ADGRL2: variants seen among roughly 807,000 people sequenced by gnomAD.
ADGRL2 encodes the protein adhesion G protein-coupled receptor L2, also known as calcium-independent alpha-latrotoxin receptor 2.
Under a neutral mutation model 157.4 loss-of-function variants are expected in ADGRL2, and 44 were observed. That is an observed-to-expected ratio of 0.28 (90% confidence interval 0.22 to 0.36). The LOEUF (loss-of-function observed/expected upper bound fraction) is 0.36. ADGRL2 is among the 10% of genes least tolerant of loss of function. ADGRL2 has a pLI of 1.00. For synonymous variants in ADGRL2, 585 were observed against 624.7 expected (o/e 0.94, Z 0.95); for missense variants, 1,510 against 1,768.9 (o/e 0.85, Z 2.63).
At chr1:81,872,205 CT>C (rs981720627) in intron 2 of ADGRL2, among the ~76,000 whole-genome samples, 55 of 152,234 alleles carry the variant, frequency 3.6e-4, no homozygotes, top group African/African-American at 1.2e-3. Flanking sequence ...TTCTCCATTT[CT>C]TGTTTTTGTC....
intron 2 of ADGRL2, among the ~76,000 whole-genome samples, chr1:81,571,446 C>A (rs1473172647): frequency 2.1e-5 from 3 of 146,186 alleles, no homozygotes; most frequent in Non-Finnish European, 4.5e-5. Context: ...TATATATATA[C>A]ACACACATAT....
At chr1:81,779,744 A>T (rs1032510277) in intron 2 of ADGRL2, among the ~76,000 whole-genome samples, 1 of 152,194 alleles carries the variant, frequency 6.6e-6, no homozygotes, top group African/African-American at 2.4e-5. Context: ...ACACAGCTTA[A>T]ATCAAACTCT....
intron 1 of ADGRL2, among the ~76,000 whole-genome samples, chr1:81,339,044 C>G (rs1661862967): frequency 6.6e-6 from 1 of 152,220 alleles, no homozygotes; most frequent in Admixed American, 6.5e-5. Context: ...TTTACTCTCT[C>G]TCTTGAATGT....
chr1:81,424,055 A>T (rs2077170805), intron 1 of ADGRL2, among the ~76,000 whole-genome samples: 1 of 152,216 alleles, frequency 6.6e-6, no homozygotes, highest in South Asian at 2.1e-4. Context: ...TCATTTCATA[A>T]GGACACTTCA....
At chr1:81,729,144 A>G (rs2084638922) in intron 1 of ADGRL2, among the ~76,000 whole-genome samples, 1 of 150,728 alleles carries the variant, frequency 6.6e-6, no homozygotes, top group South Asian at 2.1e-4. Context: ...ACTTGAGTAT[A>G]CAATTTAAAT....
chr1:81,782,919 G>A (rs1278316479), intron 2 of ADGRL2, among the ~76,000 whole-genome samples: 3 of 152,166 alleles, frequency 2.0e-5, no homozygotes, highest in Non-Finnish European at 2.9e-5. Context: ...ATCAGAGTAG[G>A]GAAGGGATGG....
intron 1 of ADGRL2, among the ~76,000 whole-genome samples, chr1:81,425,019 C>A (rs1360128569): frequency 1.3e-5 from 2 of 152,204 alleles, no homozygotes; most frequent in Admixed American, 6.5e-5. Flanking sequence ...AAGTCTAATA[C>A]TCTGTTTCTG....
At chr1:81,361,344 T>G (rs903379514) in intron 1 of ADGRL2, among the ~76,000 whole-genome samples, 6 of 152,048 alleles carry the variant, frequency 3.9e-5, no homozygotes, top group African/African-American at 1.2e-4. Flanking sequence ...CAAACTTATC[T>G]TGATTGGGGT....
At chr1:81,571,536 A>G (rs2080693237) in intron 2 of ADGRL2, among the ~76,000 whole-genome samples, 1 of 151,394 alleles carries the variant, frequency 6.6e-6, no homozygotes, top group Non-Finnish European at 1.5e-5. Context: ...AAATGACTTT[A>G]AATTTTATGT....
chr1:81,362,877 T>G (rs949585040), intron 1 of ADGRL2, among the ~76,000 whole-genome samples: 2 of 152,056 alleles, frequency 1.3e-5, no homozygotes, highest in Non-Finnish European at 2.9e-5. Flanking sequence ...ATCTTAAACA[T>G]GCAGGTTGTT....
At chr1:81,573,119 T>G (rs2080728718) in intron 2 of ADGRL2, among the ~76,000 whole-genome samples, 1 of 152,088 alleles carries the variant, frequency 6.6e-6, no homozygotes, top group Non-Finnish European at 1.5e-5. Flanking sequence ...TTAATATCTT[T>G]CAAATTCAGA....
intron 1 of ADGRL2, among the ~76,000 whole-genome samples, chr1:81,437,196 T>A (rs1387422901): frequency 2.6e-5 from 4 of 152,182 alleles, no homozygotes; most frequent in African/African-American, 9.7e-5. Context: ...AGATTCATCA[T>A]GAAGGTTAAG....
intron 2 of ADGRL2, among the ~76,000 whole-genome samples, chr1:81,488,221 A>T (rs527891232): frequency 1.3e-5 from 2 of 152,212 alleles, no homozygotes; most frequent in African/African-American, 4.8e-5. Flanking sequence ...ATGTCCAGGG[A>T]AAAAAGCAGG....
chr1:81,572,919 G>A (rs1271292369), intron 2 of ADGRL2, among the ~76,000 whole-genome samples: 1 of 150,260 alleles, frequency 6.7e-6, no homozygotes, highest in African/African-American at 2.5e-5. Flanking sequence ...TATCTAGTAG[G>A]GCGTGAATGT....
chr1:81,665,201 C>G (rs1462053321), intron 3 of ADGRL2, among the ~76,000 whole-genome samples: 1 of 151,990 alleles, frequency 6.6e-6, no homozygotes, highest in Non-Finnish European at 1.5e-5. Context: ...TAGAGTTTGC[C>G]AAGTAAGCAT....
chr1:81,860,995 T>C (rs2093368728), intron 2 of ADGRL2, among the ~76,000 whole-genome samples: 1 of 151,710 alleles, frequency 6.6e-6, no homozygotes, highest in Admixed American at 6.6e-5. Context: ...TAATTTAGGA[T>C]ATGTACATAT....
At chr1:81,387,660 C>G (rs979612752) in intron 1 of ADGRL2, among the ~76,000 whole-genome samples, 1 of 152,086 alleles carries the variant, frequency 6.6e-6, no homozygotes, top group African/African-American at 2.4e-5. Flanking sequence ...TATTCATCAA[C>G]CAATTGTTAG....
intron 1 of ADGRL2, among the ~76,000 whole-genome samples, chr1:81,319,241 C>G (rs759796595): frequency 1.2e-4 from 18 of 151,972 alleles, no homozygotes; most frequent in Non-Finnish European, 2.2e-4. Context: ...GCCACCGCGC[C>G]CAGCTTTATC....
intron 3 of ADGRL2, among the ~76,000 whole-genome samples, chr1:81,654,869 A>T (rs2082496301): frequency 1.3e-5 from 2 of 152,214 alleles, no homozygotes; most frequent in Non-Finnish European, 2.9e-5. Flanking sequence ...TTTGTTGGAC[A>T]GGTCTGTCCG....
Sources: allele counts gnomAD v4.1 joint callset (sites outside exome capture counted in the v4.1 genomes callset), GRCh38; gene constraint gnomAD v4.1.1; transcripts MANE v1.5; gene names NCBI Gene and HGNC (gene_info 2026-07-23, HGNC 2026-07-21).